The following TIAM1 variants were observed in gnomAD, a reference collection of about 807,000 sequenced individuals.
TIAM1 encodes TIAM Rac1 associated GEF 1.
Under a neutral mutation model 163.5 loss-of-function variants are expected in TIAM1, and 65 were observed. The ratio of observed to expected loss-of-function variants is 0.40; its 90% CI spans 0.33 to 0.49. The LOEUF (loss-of-function observed/expected upper bound fraction) is 0.49, where lower values mean the gene tolerates loss of function less well. TIAM1 is among the 20% of genes least tolerant of loss of function. The pLI, the probability that TIAM1 is intolerant of heterozygous loss-of-function variation, is 0.77. For synonymous variants in TIAM1, 833 were observed against 810.1 expected (o/e 1.03, Z -0.48); for missense variants, 1,789 against 2,044.7 (o/e 0.87, Z 2.41).
Position 31,425,176 on chromosome 21 carries a change from G to A in TIAM1, c.-369+38807C>T, listed in dbSNP as rs142361148. On this transcript the variant is annotated intron_variant, in intron 2 of 28. Coordinates refer to the TIAM1 transcript ENST00000286827. The stretch of plus-strand genomic sequence containing the variant: ...AGTCAAGTCTCCTAACTCTCATCCT[G>A]AACTCTCTTCCACGGTGGCCCTTCC... Among the ~76,000 whole-genome samples, 647 of 152,124 alleles carry A rather than the reference G, an allele frequency of 4.3e-3. 3 individuals carry two copies. The highest frequency in any genetic ancestry group is 6.9e-3 in the Non-Finnish European group (471 of 67,994).
Position 31,457,106 on chromosome 21 carries a change from A to AT in TIAM1, c.-369+6876dup, listed in dbSNP as rs1207829023. The stretch of plus-strand genomic sequence containing the variant: ...GACTCCCCATGTCTCCTCCCTGATC[A>AT]TTTTTTTAGAAAATTTCTTATTAAC... On this transcript the variant is annotated intron_variant, in intron 2 of 28. Transcript: ENST00000286827. Among the ~76,000 whole-genome samples the AT allele has an allele frequency of 2.6e-5, 4 of 151,918 alleles. No homozygotes were observed. The East Asian group carries it at 5.8e-4, about 22-fold the overall frequency.
intron 12 of TIAM1, among the ~76,000 whole-genome samples, chr21:31,197,903 A>G (rs2085961135): frequency 6.6e-6 from 1 of 152,116 alleles, no homozygotes; most frequent in African/African-American, 2.4e-5. Flanking sequence ...TTTCCACTAC[A>G]CTACGATGCC....
intron 14 of TIAM1, among the ~76,000 whole-genome samples, chr21:31,185,141 A>G (rs2085218705): frequency 1.3e-5 from 2 of 151,136 alleles, no homozygotes; most frequent in African/African-American, 2.4e-5. Flanking sequence ...CGTTCAATAC[A>G]TATTATTTTG....
chr21:31,494,704 G>A (rs991204094), intron 1 of TIAM1, among the ~76,000 whole-genome samples: 19 of 152,172 alleles, frequency 1.2e-4, no homozygotes, highest in Middle Eastern at 3.2e-3. Flanking sequence ...TTAGCCGGGT[G>A]TGGTGGCACA....
chr21:31,130,985 A>G, intron 23 of TIAM1, 37 bp from the exon 24 acceptor site: 1 of 1,587,540 alleles, frequency 6.3e-7, no homozygotes, highest in Admixed American at 1.7e-5. Context: ...ATGGTATGTC[A>G]TGTGTAGGGT....
chr21:31,180,527 T>C (rs1426081896), intron 15 of TIAM1, among the ~76,000 whole-genome samples: 1 of 152,188 alleles, frequency 6.6e-6, no homozygotes, highest in Non-Finnish European at 1.5e-5. Flanking sequence ...ACCTCTTTTT[T>C]TTTTTATATC....
At chr21:31,297,280 T>C (rs1383710407) in intron 2 of TIAM1, among the ~76,000 whole-genome samples, 3 of 152,216 alleles carry the variant, frequency 2.0e-5, no homozygotes, top group East Asian at 3.9e-4. Flanking sequence ...GTCAAACTCA[T>C]TGAGGCAGAA....
chr21:31,519,546 C>T (rs910313195), intron 1 of TIAM1, among the ~76,000 whole-genome samples: 1 of 150,010 alleles, frequency 6.7e-6, no homozygotes, highest in African/African-American at 2.5e-5. Flanking sequence ...ACAGAATTAC[C>T]ACATGATCCA....
chr21:31,401,177 T>C (rs2077158386), intron 2 of TIAM1, among the ~76,000 whole-genome samples: 1 of 152,222 alleles, frequency 6.6e-6, no homozygotes, highest in African/African-American at 2.4e-5. Flanking sequence ...TATGAAAAGA[T>C]GAATTCATAT....
chr21:31,226,391 A>G (rs909341223), intron 6 of TIAM1, among the ~76,000 whole-genome samples: 1 of 152,120 alleles, frequency 6.6e-6, no homozygotes, highest in African/African-American at 2.4e-5. Context: ...AACCACTGCA[A>G]CCCAAATCCA....
intron 2 of TIAM1, among the ~76,000 whole-genome samples, chr21:31,323,301 AG>A (rs2075378252): frequency 6.6e-6 from 1 of 151,348 alleles, no homozygotes. Context: ...AAAAAAAAAA[AG>A]AAAGAAAGTG....
At chr21:31,470,080 T>G (rs988306059) in intron 1 of TIAM1, among the ~76,000 whole-genome samples, 7 of 148,892 alleles carry the variant, frequency 4.7e-5, no homozygotes, top group Admixed American at 1.3e-4. Context: ...CTCAGCTCAC[T>G]GCAACCCCTG....
At chr21:31,187,158 C>T (rs1400503448) in intron 13 of TIAM1, 71 bp from the exon 14 acceptor site, 3 of 1,334,558 alleles carry the variant, frequency 2.2e-6, no homozygotes, top group African/African-American at 1.4e-5. Context: ...CAGGAAGTGC[C>T]TGCTGTGAAC....
At chr21:31,162,261 G>A (rs1687251574) in intron 16 of TIAM1, among the ~76,000 whole-genome samples, 1 of 152,110 alleles carries the variant, frequency 6.6e-6, no homozygotes, top group Admixed American at 6.5e-5. Context: ...AGTGTTGTGA[G>A]GCTAAGATGA....
At chr21:31,380,083 T>C (rs2076752095) in intron 2 of TIAM1, among the ~76,000 whole-genome samples, 2 of 152,074 alleles carry the variant, frequency 1.3e-5, no homozygotes, top group South Asian at 4.1e-4. Flanking sequence ...ACCAACATGG[T>C]GAAACCCTGT....
intron 27 of TIAM1, among the ~76,000 whole-genome samples, chr21:31,123,643 T>C (rs2082079676): frequency 6.6e-6 from 1 of 152,180 alleles, no homozygotes; most frequent in Non-Finnish European, 1.5e-5. Context: ...ATAGGTAGGA[T>C]GGTAATGGGT....
At chr21:31,161,942 GAC>G (rs1232385945) in intron 16 of TIAM1, among the ~76,000 whole-genome samples, 1 of 152,178 alleles carries the variant, frequency 6.6e-6, no homozygotes, top group African/African-American at 2.4e-5. Context: ...CATAAAAAGA[GAC>G]ACACAGAAAC....
intron 12 of TIAM1, among the ~76,000 whole-genome samples, chr21:31,198,551 A>G (rs575305252): frequency 1.6e-3 from 251 of 152,360 alleles, no homozygotes; most frequent in Non-Finnish European, 2.9e-3. Flanking sequence ...ACTAAATTCA[A>G]TAAGGTTTAC....
rs184906158 is a variant in TIAM1, at chr21:31,336,143, G to A, written c.-189+3100C>T. Among the ~76,000 whole-genome samples the A allele has an allele frequency of 1.2e-3, 185 of 152,238 alleles. No homozygotes were observed. The Middle Eastern group carries it at 0.017, about 14-fold the overall frequency. On this transcript the variant is annotated intron_variant, in intron 2 of 27. Transcript: ENST00000541036. ...CAAGACAGAATAAGTGAAGACAGAC[G>A]CCACTGGGGAGCGTTCGGCCGGCCA...
Sources: allele counts gnomAD v4.1 joint callset (sites outside exome capture counted in the v4.1 genomes callset), GRCh38; gene constraint gnomAD v4.1.1; transcripts MANE v1.5; gene names NCBI Gene and HGNC (gene_info 2026-07-23, HGNC 2026-07-21).